The following PPEF1 variants were observed in gnomAD, a reference collection of about 807,000 sequenced individuals.
PPEF1 encodes the protein serine/threonine-protein phosphatase with EF-hands 1.
Under a neutral mutation model 53.3 loss-of-function variants are expected in PPEF1, and 12 were observed. That is an observed-to-expected ratio of 0.23 (90% CI 0.14 to 0.36). The LOEUF (loss-of-function observed/expected upper bound fraction) is 0.36. PPEF1 is among the 10% of genes least tolerant of loss of function. PPEF1 has a pLI of 1.00. For missense variants in PPEF1, 334 were observed against 490.4 expected (o/e 0.68, Z 3.01); for synonymous variants, 165 against 176.7 (o/e 0.93, Z 0.52).
chrX:18,733,665 C>T (rs1320046777), intron 2 of PPEF1, 83 bp from the exon 3 acceptor site: 1 of 790,308 alleles, frequency 1.3e-6, no homozygotes, highest in Non-Finnish European at 1.8e-6. Context: ...AGAGTAAGGG[C>T]ACTCGGGTGG....
At chrX:18,810,600 G>A (rs1323310865) in intron 12 of PPEF1, among the ~76,000 whole-genome samples, 1 of 111,898 alleles carries the variant, frequency 8.9e-6, no homozygotes, top group Non-Finnish European at 1.9e-5. Flanking sequence ...GCCTATTCTC[G>A]GCATTTCATA....
chrX:18,775,007 C>G (rs1384681494), intron 6 of PPEF1, among the ~76,000 whole-genome samples: 1 of 110,102 alleles, frequency 9.1e-6, no homozygotes, highest in Non-Finnish European at 1.9e-5. Flanking sequence ...TCATCTGTTC[C>G]TTTTTCCTGA....
At chrX:18,775,696 G>A (rs1042976042) in intron 6 of PPEF1, among the ~76,000 whole-genome samples, 2 of 111,960 alleles carry the variant, frequency 1.8e-5, no homozygotes, top group Non-Finnish European at 3.8e-5. Flanking sequence ...TGATTGGTCT[G>A]TCTCTCTCTA....
chrX:18,729,754 G>C (rs1323780380), intron 1 of PPEF1, among the ~76,000 whole-genome samples: 1 of 112,349 alleles, frequency 8.9e-6, no homozygotes, highest in Non-Finnish European at 1.9e-5. Context: ...GGGGTACGTA[G>C]TGAAGAATGG....
At chrX:18,701,555 T>C (rs1731033034) in intron 6 of PPEF1, among the ~76,000 whole-genome samples, 1 of 112,577 alleles carries the variant, frequency 8.9e-6, no homozygotes, top group African/African-American at 3.2e-5. Flanking sequence ...CAAACTCCTG[T>C]TGTCTGACTT....
rs1165100214 is a variant in PPEF1, at chrX:18,735,447, GTAT to G, written c.235+1644_235+1646del. On this transcript the variant is annotated intron_variant, in intron 3 of 15. Coordinates refer to ENST00000470157, the MANE Select transcript of PPEF1 (RefSeq NM_001377996.1). ...AATACCAGATGGTTGTAGATGTGTG[GTAT>G]TATTTCTGAGGACTCTGTTCTGTTC... 4.5e-5 allele frequency among the ~76,000 whole-genome samples: 5 copies of G among 111,554 alleles called. No homozygotes were observed. The Admixed American group carries it at 4.8e-4, about 11-fold the overall frequency.
chrX:18,731,016 A>G (rs1048650706), intron 2 of PPEF1, among the ~76,000 whole-genome samples: 3 of 112,645 alleles, frequency 2.7e-5, no homozygotes, highest in Non-Finnish European at 5.6e-5. Flanking sequence ...CACCTGGCCA[A>G]GGAAGGCCTT....
chrX:18,784,990 C>G (rs1179977584), intron 9 of PPEF1, among the ~76,000 whole-genome samples: 1 of 111,312 alleles, frequency 9.0e-6, no homozygotes, highest in African/African-American at 3.3e-5. Flanking sequence ...GCTATATGGT[C>G]CTAGTGGGAA....
Position 18,733,828 on chromosome X carries a change from T to G in PPEF1, c.235+20T>G, listed in dbSNP as rs1306298839. 5.4e-6 allele frequency: 6 copies of G among 1,108,015 alleles called. No homozygotes were observed. Among genetic ancestry groups the G allele is most frequent in the Non-Finnish European group, 7.3e-6 (6 of 826,058 alleles). The allele number at this position is 1,108,015 out of a possible 1,213,427, so 91.3% of individuals were successfully genotyped here. ...AGCTAGGTAAGTAAAAAGCTTAGTC[T>G]TTTCAAATGTGTCATTAAATATTGA... On this transcript the variant is annotated intron_variant, in intron 3 of 15. Coordinates refer to ENST00000470157, the MANE Select transcript of PPEF1 (RefSeq NM_001377996.1).
chrX:18,706,439 G>A (rs1252835375), upstream of PPEF1, among the ~76,000 whole-genome samples: 2 of 110,114 alleles, frequency 1.8e-5, no homozygotes, highest in Non-Finnish European at 3.8e-5. Context: ...AGTGCCCAGA[G>A]AGCTTGTTTA....
chrX:18,722,892 A>G (rs2044618890), intron 1 of PPEF1, among the ~76,000 whole-genome samples: 1 of 112,018 alleles, frequency 8.9e-6, no homozygotes, highest in African/African-American at 3.2e-5. Context: ...CAAAAGCTGC[A>G]GGCTCTAACT....
chrX:18,762,183 G>A (rs1602424259), intron 6 of PPEF1, among the ~76,000 whole-genome samples: 1 of 111,346 alleles, frequency 9.0e-6, no homozygotes, highest in African/African-American at 3.3e-5. Flanking sequence ...TTCTGTCTCT[G>A]GGCCAAGAGT....
intron 8 of PPEF1, among the ~76,000 whole-genome samples, chrX:18,782,662 A>G (rs1043905407): frequency 4.5e-5 from 5 of 111,600 alleles, no homozygotes; most frequent in Admixed American, 9.5e-5. Context: ...CATTGCTTCA[A>G]AGGTACCAAG....
intron 10 of PPEF1, among the ~76,000 whole-genome samples, chrX:18,790,386 C>T (rs1321933088): frequency 9.0e-6 from 1 of 111,651 alleles, no homozygotes; most frequent in East Asian, 2.8e-4. Flanking sequence ...AATACCCTCT[C>T]CCATTCTGTG....
Position 18,789,240 on chromosome X carries a change from T to C in PPEF1, c.1032T>C (p.Pro344=), listed in dbSNP as rs2046280643. 1 of 1,210,953 alleles carries C rather than the reference T, an allele frequency of 8.3e-7. No homozygotes were observed. The highest frequency in any genetic ancestry group is 1.1e-6 in the Non-Finnish European group (1 of 894,597). The change falls in exon 10 of 16, where the codon CCT becomes CCC. Residue 344 remains proline, a synonymous_variant. Transcript: ENST00000470157. ...AHGRIKTNGS[P]TEHLTEHEWE... ...GAAGAATCAAAACAAATGGATCTCC[T>C]ACTGAACACTTAACAGAGCATGAAT...
chrX:18,764,425 G>C (rs1229379372), intron 6 of PPEF1, among the ~76,000 whole-genome samples: 1 of 111,272 alleles, frequency 9.0e-6, no homozygotes, highest in African/African-American at 3.3e-5. Flanking sequence ...GGATGGGTGG[G>C]TCCTTTCCTT....
chrX:18,816,272 G>A (rs770071410), intron 12 of PPEF1, among the ~76,000 whole-genome samples: 52 of 110,464 alleles, frequency 4.7e-4, no homozygotes, highest in Admixed American at 2.9e-4. Flanking sequence ...AGATTTTGTT[G>A]TTTAATTTTC....
chrX:18,778,079 A>G (rs1318233798), intron 6 of PPEF1, among the ~76,000 whole-genome samples: 1 of 111,034 alleles, frequency 9.0e-6, no homozygotes, highest in Non-Finnish European at 1.9e-5. Flanking sequence ...ATGCATTTTT[A>G]TATATGAGTA....
At chrX:18,700,240 G>GGTGTGTGTGTGTGTGTGT (rs59189184) in intron 5 of PPEF1, 1 of 53,868 alleles carries the variant, frequency 1.9e-5, no homozygotes, top group African/African-American at 5.3e-5. Context: ...TGCAGAGTGG[G>GGTGTGTGTGTGTGTGTGT]GTGTGTGTGT....
Sources: allele counts gnomAD v4.1 joint callset (sites outside exome capture counted in the v4.1 genomes callset), GRCh38; gene constraint gnomAD v4.1.1; transcripts MANE v1.5; gene names NCBI Gene and HGNC (gene_info 2026-07-23, HGNC 2026-07-21).